CYP2R1: variants seen among roughly 807,000 people sequenced by gnomAD.
CYP2R1 encodes cytochrome P450 family 2 subfamily R member 1.
A neutral mutation model predicts 45.7 loss-of-function variants in CYP2R1; 40 were observed. The observed-to-expected ratio is 0.87, with a 90% CI of 0.68 to 1.14. The LOEUF (loss-of-function observed/expected upper bound fraction) is 1.14, where lower values mean the gene tolerates loss of function less well. Among genes scored for constraint, CYP2R1 ranks in the 50% most tolerant of loss-of-function variants. CYP2R1 has a pLI of 0.00. For synonymous variants in CYP2R1, 234 were observed against 219.3 expected, an observed-to-expected ratio of 1.07 and a Z score of -0.59; for missense variants, 605 against 602.6, an observed-to-expected ratio of 1.00 and a Z score of -0.04.
chr11:14,888,649 C>T (rs148342265), intron 1 of CYP2R1, among the ~76,000 whole-genome samples: 105 of 152,262 alleles, frequency 6.9e-4, no homozygotes, highest in Non-Finnish European at 1.4e-3. Context: ...TTAACACTAT[C>T]TTGAACCAGA....
chr11:14,880,901 G>T, intron 2 of CYP2R1, 133 bp from the exon 3 acceptor site: 2 of 818,526 alleles, frequency 2.4e-6, no homozygotes, highest in Non-Finnish European at 3.7e-6. Flanking sequence ...ACATGGTTGG[G>T]TCCTGTTCTC....
intron 1 of CYP2R1, chr11:14,887,561 G>T (rs1238339317): frequency 7.2e-6 from 7 of 972,214 alleles, no homozygotes; most frequent in Non-Finnish European, 8.6e-6. Flanking sequence ...AATAATTTTA[G>T]TGCCAATTAT....
intron 2 of CYP2R1, among the ~76,000 whole-genome samples, chr11:14,884,282 A>T (rs1382858720): frequency 6.6e-6 from 1 of 151,986 alleles, no homozygotes; most frequent in Non-Finnish European, 1.5e-5. Context: ...GAACCAACCC[A>T]AAGGTCCAAA....
Position 14,880,307 on chromosome 11 carries a change from C to T in CYP2R1, c.829G>A (p.Val277Ile), listed in dbSNP as rs367701971. 1.2e-6 allele frequency: 2 copies of T among 1,613,202 alleles called. No homozygotes were observed. The highest frequency in any genetic ancestry group is 1.7e-6 in the Non-Finnish European group (2 of 1,179,504). ...NRKPQLPQHF[V>I]DAYLDEMDQG... Reference sequence around the variant, plus strand: ...TCCATCTCATCTAAATAAGCATCAACAAAATGCTGAGGTAGCTGAGGCTTT... The same window carrying T: ...TCCATCTCATCTAAATAAGCATCAATAAAATGCTGAGGTAGCTGAGGCTTT... Residue 277 changes from valine (V) to isoleucine (I), a missense_variant, in exon 3 of 5, where the codon GTT (valine) becomes ATT (isoleucine). Val to Ile is a conservative substitution (Grantham distance 29). Coordinates refer to ENST00000334636, the MANE Select transcript of CYP2R1 (RefSeq NM_024514.5).
At chr11:14,882,631 C>T (rs1590218845) in intron 2 of CYP2R1, among the ~76,000 whole-genome samples, 1 of 152,116 alleles carries the variant, frequency 6.6e-6, no homozygotes. Flanking sequence ...AAGGTCAGTA[C>T]ATAGTACCTT....
chr11:14,884,865 A>T (rs149423480), intron 2 of CYP2R1, among the ~76,000 whole-genome samples: 3 of 151,938 alleles, frequency 2.0e-5, no homozygotes, highest in Admixed American at 6.6e-5. Flanking sequence ...CATTTTCATC[A>T]TCTTTTTAAA....
At chr11:14,890,537 CTTTTTTT>C (rs71044028) in intron 1 of CYP2R1, 28 of 64,408 alleles carry the variant, frequency 4.3e-4, no homozygotes, top group African/African-American at 1.2e-3. Context: ...TAGACCAATT[CTTTTTTT>C]TTTTTTTTTT....
At chr11:14,891,571 G>T (rs1159320869) in intron 1 of CYP2R1, 17 of 1,028,768 alleles carry the variant, frequency 1.7e-5, no homozygotes, top group Non-Finnish European at 1.8e-5. Flanking sequence ...TTGATTTTCC[G>T]ACAAGCCGCG....
intron 1 of CYP2R1, chr11:14,890,303 C>A (rs576590340): frequency 1.7e-4 from 37 of 222,730 alleles, no homozygotes; most frequent in African/African-American, 8.7e-4. Context: ...CATTTTATTT[C>A]TCTAGAATAT....
intron 1 of CYP2R1, among the ~76,000 whole-genome samples, chr11:14,889,989 C>T (rs373769537): frequency 1.1e-3 from 172 of 152,040 alleles, no homozygotes; most frequent in African/African-American, 3.7e-3. Context: ...ATTAGCCGGG[C>T]GTGGTGGCGA....
chr11:14,888,517 C>T (rs1848704224), intron 1 of CYP2R1, among the ~76,000 whole-genome samples: 1 of 152,158 alleles, frequency 6.6e-6, no homozygotes, highest in South Asian at 2.1e-4. Flanking sequence ...CCTTTGACTG[C>T]CATACTACCC....
At chr11:14,884,488 C>A (rs1178943876) in intron 2 of CYP2R1, among the ~76,000 whole-genome samples, 1 of 135,502 alleles carries the variant, frequency 7.4e-6, no homozygotes, top group Non-Finnish European at 1.5e-5. Flanking sequence ...ACAATGAGAA[C>A]ACATGGACAC....
chr11:14,892,353 C>G (rs1198187828), upstream of CYP2R1: 3 of 728,940 alleles, frequency 4.1e-6, no homozygotes, highest in Non-Finnish European at 6.8e-6. Context: ...CAGGCCCCTT[C>G]GGGACAACTA....
Position 14,891,970 on chromosome 11 carries a change from C to T in CYP2R1, c.225+11G>A, listed in dbSNP as rs782218237. On this transcript the variant is annotated intron_variant, in intron 1 of 4. Transcript: ENST00000334636. Reference sequence around the variant, plus strand: ...GCGGCCCTCCCTGCCCGGGGCCCGTCGGGGCTGTACCTCTCCGTACACCTG... The same window carrying T: ...GCGGCCCTCCCTGCCCGGGGCCCGTTGGGGCTGTACCTCTCCGTACACCTG... The T allele has an allele frequency of 4.3e-6, 7 of 1,612,108 alleles. No individual in the cohort carries two copies. The Admixed American group carries it at 1.2e-4, about 27-fold the overall frequency.
intron 2 of CYP2R1, among the ~76,000 whole-genome samples, chr11:14,882,570 CT>C (rs1555012714): frequency 6.6e-6 from 1 of 152,158 alleles, no homozygotes; most frequent in African/African-American, 2.4e-5. Context: ...CAAAGGGCAA[CT>C]TTTTCCCATT....
At chr11:14,890,926 C>T in intron 1 of CYP2R1, 3 of 985,356 alleles carry the variant, frequency 3.0e-6, no homozygotes, top group Non-Finnish European at 3.6e-6. Flanking sequence ...GCCAAACATC[C>T]CTGTACTTTT....
intron 2 of CYP2R1, among the ~76,000 whole-genome samples, 166 bp downstream of exon 2, chr11:14,885,610 A>G (rs1316759344): frequency 6.6e-6 from 1 of 152,202 alleles, no homozygotes; most frequent in Non-Finnish European, 1.5e-5. Context: ...GGTCTAAAAT[A>G]TGCGTGTAGT....
At position 14,880,559 on chromosome 11, in the gene CYP2R1, G is replaced by T. The variant is rs1269319852; in HGVS notation, c.577C>A (p.Leu193Met). 6.8e-6 allele frequency: 11 copies of T among 1,613,296 alleles called. No homozygotes were observed. The highest frequency in any genetic ancestry group is 7.6e-6 in the Non-Finnish European group (9 of 1,179,644). The stretch of plus-strand genomic sequence containing the variant: ...GTGAATCGTTCTCCAAAAATGATCA[G>T]ATTGGTTATGTTTGAAACAGCATTC... ...ITNAVSNITN[L>M]IIFGERFTYE... Residue 193 changes from leucine to methionine, a missense_variant, in exon 3 of 5, where the codon CTG (leucine) becomes ATG (methionine). By Grantham distance (15) the Leu-to-Met change is conservative (BLOSUM62 2). Transcript: ENST00000334636.
In CYP2R1 at chr11:14,878,053, AT is replaced by A; in HGVS notation, c.*68del. 1 of 1,534,106 alleles carries A rather than the reference AT, an allele frequency of 6.5e-7. No homozygotes were observed. Among genetic ancestry groups the A allele is most frequent in the Non-Finnish European group, 8.9e-7 (1 of 1,117,994 alleles). ...GACTTTTATTCTAATACACACATTG[AT>A]TTGATTAAACCAAGTTCAGGGATAA... is the stretch of plus-strand genomic sequence containing the variant. On this transcript the variant is annotated 3_prime_UTR_variant, in exon 5 of 5. Transcript: ENST00000334636.
Sources: gnomAD v4.1 joint callset for allele counts (sites outside exome capture counted in the v4.1 genomes callset) on GRCh38, gnomAD v4.1.1 for gene constraint, MANE v1.5 for transcripts, NCBI Gene and HGNC (gene_info 2026-07-23, HGNC 2026-07-21) for gene names.